KCNIP1: variants seen among roughly 807,000 people sequenced by gnomAD.
The protein encoded by KCNIP1 is potassium voltage-gated channel interacting protein 1.
A neutral mutation model predicts 33.0 loss-of-function variants in KCNIP1; 18 were observed. The observed-to-expected ratio is 0.55, with a 90% CI of 0.38 to 0.81. The LOEUF (loss-of-function observed/expected upper bound fraction) is 0.81, where lower values mean the gene tolerates loss of function less well. Among genes scored for constraint, KCNIP1 ranks in the 30% least tolerant of loss-of-function variants. KCNIP1 has a pLI of 0.00. For missense variants in KCNIP1, 238 were observed against 271.6 expected, an observed-to-expected ratio of 0.88 and a Z score of 0.87; for synonymous variants, 93 against 98.3, an observed-to-expected ratio of 0.95 and a Z score of 0.32.
chr5:170,649,038 C>T (rs975901294), intron 1 of KCNIP1, among the ~76,000 whole-genome samples: 4 of 152,160 alleles, frequency 2.6e-5, no homozygotes, highest in African/African-American at 9.7e-5. Context: ...GCAACAGGAA[C>T]TCTTACACAT....
intron 1 of KCNIP1, among the ~76,000 whole-genome samples, chr5:170,543,619 G>A (rs1430798594): frequency 6.6e-6 from 1 of 152,078 alleles, no homozygotes; most frequent in East Asian, 1.9e-4. Flanking sequence ...GGTCATTTGG[G>A]GCAAATATTT....
chr5:170,655,360 G>A (rs1012151965), intron 1 of KCNIP1, among the ~76,000 whole-genome samples: 2 of 152,190 alleles, frequency 1.3e-5, no homozygotes, highest in Admixed American at 6.5e-5. Flanking sequence ...GAGGAGGCAC[G>A]TGGAAGCCAA....
At chr5:170,353,958 A>G in exon 1 of KCNIP1, 6 of 1,614,020 alleles carry the variant, frequency 3.7e-6, no homozygotes, top group Non-Finnish European at 5.1e-6. Flanking sequence ...TGGGACCCTC[A>G]GCAAAGGTAT....
In KCNIP1 at chr5:170,564,540, C is replaced by T. The variant is rs561712355; in HGVS notation, c.61+59907C>T. 1.8e-4 allele frequency among the ~76,000 whole-genome samples: 27 copies of T among 152,264 alleles called. 1 individual carries two copies. The highest frequency in any genetic ancestry group is 8.3e-4 in the South Asian group (4 of 4,822). On this transcript the variant is annotated intron_variant, in intron 1 of 7. Transcript: ENST00000328939. ...AAACAGCTCAGATTCCTAGCTTTTC[C>T]CCACCTTCCTGATCTACTGAACCAC... is the stretch of plus-strand genomic sequence containing the variant.
At chr5:170,567,533 G>C (rs1421959281) in intron 1 of KCNIP1, among the ~76,000 whole-genome samples, 1 of 152,182 alleles carries the variant, frequency 6.6e-6, no homozygotes, top group Admixed American at 6.5e-5. Context: ...GTGGAAAAAA[G>C]CTTCAGAGCT....
At chr5:170,698,177 T>C (rs1462497439) in intron 1 of KCNIP1, among the ~76,000 whole-genome samples, 1 of 152,024 alleles carries the variant, frequency 6.6e-6, no homozygotes, top group African/African-American at 2.4e-5. Flanking sequence ...TACCCGGGTA[T>C]CACAGGCCTT....
chr5:170,454,881 T>C (rs1756336895), intron 1 of KCNIP1, among the ~76,000 whole-genome samples: 1 of 152,182 alleles, frequency 6.6e-6, no homozygotes, highest in Non-Finnish European at 1.5e-5. Flanking sequence ...AAAAAAATAT[T>C]GTTCTTAAAA....
intron 1 of KCNIP1, among the ~76,000 whole-genome samples, chr5:170,457,006 G>A (rs1054577952): frequency 9.9e-5 from 15 of 151,912 alleles, no homozygotes; most frequent in Admixed American, 3.3e-4. Context: ...ACACCCAGCT[G>A]GTTATTTCAA....
Position 170,494,276 on chromosome 5 carries a change from A to G in KCNIP1, c.88+140312A>G, listed in dbSNP as rs149125451. 5.9e-3 allele frequency among the ~76,000 whole-genome samples: 894 copies of G among 152,308 alleles called. 15 individuals are homozygous for G. Among genetic ancestry groups the G allele is most frequent in the African/African-American group, 0.02 (837 of 41,572 alleles). On this transcript the variant is annotated intron_variant, in intron 1 of 7. Coordinates refer to the KCNIP1 transcript ENST00000377360. ...CCAGCCTAGGGCAAGAGTGCCCTGGACTGTCAATTAGCTCCCCCCAGCACC... is the reference window on the plus strand; with the variant it reads ...CCAGCCTAGGGCAAGAGTGCCCTGGGCTGTCAATTAGCTCCCCCCAGCACC...
intron 1 of KCNIP1, among the ~76,000 whole-genome samples, chr5:170,701,163 G>C (rs7727621): frequency 0.16 from 24,465 of 152,062 alleles, 2,381 homozygotes; most frequent in African/African-American, 0.27. Flanking sequence ...CCCCACAATC[G>C]CAAGATATTA....
chr5:170,414,261 A>G (rs73800662), intron 1 of KCNIP1, among the ~76,000 whole-genome samples: 1,742 of 152,340 alleles, frequency 0.011, 30 homozygotes, highest in African/African-American at 0.04. Flanking sequence ...GCTTTTTAGG[A>G]AAAAGTCTAT....
intron 1 of KCNIP1, among the ~76,000 whole-genome samples, chr5:170,534,296 G>A (rs566493809): frequency 6.6e-6 from 1 of 152,240 alleles, no homozygotes; most frequent in South Asian, 2.1e-4. Flanking sequence ...ATTGGTCTGT[G>A]GTTTGTCCCC....
chr5:170,676,694 T>C (rs1271639952), intron 1 of KCNIP1, among the ~76,000 whole-genome samples: 1 of 152,202 alleles, frequency 6.6e-6, no homozygotes, highest in Non-Finnish European at 1.5e-5. Context: ...CAAGGGCACA[T>C]GGATGTCACA....
intron 1 of KCNIP1, among the ~76,000 whole-genome samples, chr5:170,403,818 C>T (rs780680769): frequency 2.6e-5 from 4 of 152,190 alleles, no homozygotes; most frequent in Admixed American, 6.5e-5. Context: ...CCTACTACGC[C>T]GGCTTTGGTT....
chr5:170,354,050 C>A, intron 1 of KCNIP1: 1 of 1,222,400 alleles, frequency 8.2e-7, no homozygotes, highest in Non-Finnish European at 1.2e-6. Context: ...CGTGACCATT[C>A]TGGTGCACCC....
At chr5:170,517,123 C>T (rs560096061) in intron 1 of KCNIP1, among the ~76,000 whole-genome samples, 2 of 152,286 alleles carry the variant, frequency 1.3e-5, no homozygotes, top group East Asian at 3.9e-4. Flanking sequence ...CACAGTTCTA[C>T]AGGCTTTCCA....
rs577935038 is a variant in KCNIP1 at position 170,596,611 on chromosome 5, C to G, written c.61+91978C>G. 8.1e-4 allele frequency among the ~76,000 whole-genome samples: 123 copies of G among 152,376 alleles called. 1 individual carries two copies. Among genetic ancestry groups the G allele is most frequent in the East Asian group, 1.9e-3 (10 of 5,184 alleles). ...AAGCCAGGAGCGCCAGCTCTGCCAG[C>G]TACTGGCCAAACCACTGGGGGCCAG... is the stretch of plus-strand genomic sequence containing the variant. On this transcript the variant is annotated intron_variant, in intron 1 of 7. Transcript: ENST00000328939.
At chr5:170,653,483 G>A (rs1345030603) in intron 1 of KCNIP1, among the ~76,000 whole-genome samples, 1 of 152,064 alleles carries the variant, frequency 6.6e-6, no homozygotes, top group African/African-American at 2.4e-5. Flanking sequence ...AATTTGTGAT[G>A]TTCTCTCTGC....
At chr5:170,554,766 T>C (rs2048608410) in intron 1 of KCNIP1, among the ~76,000 whole-genome samples, 1 of 152,214 alleles carries the variant, frequency 6.6e-6, no homozygotes, top group Non-Finnish European at 1.5e-5. Flanking sequence ...TTATCGGTTC[T>C]CTTCCTGTAT....
Sources: allele counts gnomAD v4.1 joint callset (sites outside exome capture counted in the v4.1 genomes callset), GRCh38; gene constraint gnomAD v4.1.1; transcripts MANE v1.5; gene names NCBI Gene and HGNC (gene_info 2026-07-23, HGNC 2026-07-21).